The following MUCL1 variants were observed in gnomAD, a reference collection of about 807,000 sequenced individuals.
MUCL1 encodes the protein mucin-like protein 1.
A neutral mutation model predicts 9.2 loss-of-function variants in MUCL1; 11 were observed. The ratio of observed to expected loss-of-function variants is 1.19; its 90% CI spans 0.75 to 1.97. The LOEUF (loss-of-function observed/expected upper bound fraction) is 1.97. Among genes scored for constraint, MUCL1 ranks in the 30% most tolerant of loss-of-function variants. The pLI, the probability that MUCL1 is intolerant of heterozygous loss-of-function variation, is 0.00. For synonymous variants in MUCL1, 48 were observed against 40.5 expected, an observed-to-expected ratio of 1.19 and a Z score of -0.71; for missense variants, 144 against 110.9, an observed-to-expected ratio of 1.30 and a Z score of -1.34.
chr12:54,846,856 C>T (rs867100319), intron 1 of MUCL1, among the ~76,000 whole-genome samples: 4 of 147,866 alleles, frequency 2.7e-5, no homozygotes, highest in Admixed American at 6.9e-5. Context: ...TAGGTGTATG[C>T]TGTTTTTCCT....
intron 1 of MUCL1, 44 bp downstream of exon 1, chr12:54,854,684 A>G (rs1476830905): frequency 1.3e-6 from 2 of 1,533,324 alleles, no homozygotes; most frequent in East Asian, 4.5e-5. Flanking sequence ...GTGGGAATAT[A>G]CATAAAATAT....
At chr12:54,852,797 G>A (rs368094251), upstream of MUCL1, among the ~76,000 whole-genome samples, 11 of 152,180 alleles carry the variant, frequency 7.2e-5, no homozygotes, top group South Asian at 4.2e-4. Flanking sequence ...TATTCCCTAC[G>A]GGGTATAATC....
At chr12:54,854,731 G>A (rs1342970270) in intron 1 of MUCL1, 91 bp downstream of exon 1, 1 of 1,229,388 alleles carries the variant, frequency 8.1e-7, no homozygotes, top group Non-Finnish European at 1.2e-6. Context: ...TGCTTAGAAT[G>A]TGCTTTTTTA....
chr12:54,839,910 C>T (rs930795366), intron 1 of MUCL1, among the ~76,000 whole-genome samples: 1 of 152,186 alleles, frequency 6.6e-6, no homozygotes, highest in Non-Finnish European at 1.5e-5. Flanking sequence ...CTGTGCTAAG[C>T]CCTGCACTGC....
In MUCL1 at chr12:54,855,122, C is replaced by T. The variant is rs201140321; in HGVS notation, c.65C>T (p.Pro22Leu). The change falls in exon 2 of 4, where the codon CCG (proline) becomes CTG (leucine). Residue 22 changes from proline to leucine, a missense_variant. Physicochemically the swap from Pro to Leu is moderately conservative, Grantham distance 98. Coordinates refer to ENST00000308796, the MANE Select transcript of MUCL1 (RefSeq NM_058173.3). ...TTTCCTTCTTCTCTTTCAGAGAATC[C>T]GACAACAGCTGCTCCAGCTGACACG... ...VSIFLVSAQN[P>L]TTAAPADTYP... 1.0e-4 allele frequency: 167 copies of T among 1,613,134 alleles called. No homozygotes were observed. The Admixed American group carries it at 1.2e-3, about 12-fold the overall frequency.
chr12:54,850,769 C>A (rs1048026345), upstream of MUCL1, among the ~76,000 whole-genome samples: 4 of 152,182 alleles, frequency 2.6e-5, no homozygotes, highest in African/African-American at 9.7e-5. Context: ...AGTTTACAGT[C>A]CCAACAACAG....
intron 1 of MUCL1, 128 bp downstream of exon 1, chr12:54,854,768 T>C: frequency 1.3e-6 from 1 of 764,638 alleles, no homozygotes; most frequent in Non-Finnish European, 2.1e-6. Flanking sequence ...CTATCACCAT[T>C]TTGACTGACC....
chr12:54,830,935 C>T (rs1959184530), intron 1 of MUCL1: 1 of 152,224 alleles, frequency 6.6e-6, no homozygotes, highest in Non-Finnish European at 1.5e-5. Flanking sequence ...TAGCCCACAA[C>T]TTCCCTAAGA....
chr12:54,856,401 T>G (rs1945094960), intron 2 of MUCL1, among the ~76,000 whole-genome samples: 1 of 152,230 alleles, frequency 6.6e-6, no homozygotes, highest in Admixed American at 6.5e-5. Context: ...TAGGTTATTC[T>G]GTGGGACGGC....
intron 1 of MUCL1, among the ~76,000 whole-genome samples, chr12:54,833,887 G>C (rs2121478148): frequency 6.6e-6 from 1 of 151,854 alleles, no homozygotes; most frequent in East Asian, 1.9e-4. Context: ...TGAGTTAATG[G>C]GTGCAGCACA....
upstream of MUCL1, among the ~76,000 whole-genome samples, chr12:54,850,383 G>A (rs933839340): frequency 1.4e-5 from 2 of 142,578 alleles, no homozygotes; most frequent in Admixed American, 7.4e-5. Flanking sequence ...TTGTTCAGTT[G>A]CCACCTATGA....
upstream of MUCL1, among the ~76,000 whole-genome samples, chr12:54,836,477 C>T (rs1370160284): frequency 2.6e-5 from 4 of 152,082 alleles, no homozygotes; most frequent in African/African-American, 9.7e-5. Context: ...AATCTTCTCT[C>T]TTTTCTTGGT....
At chr12:54,836,475 C>G (rs1959193200), upstream of MUCL1, among the ~76,000 whole-genome samples, 1 of 152,078 alleles carries the variant, frequency 6.6e-6, no homozygotes, top group Non-Finnish European at 1.5e-5. Flanking sequence ...TGAATCTTCT[C>G]TCTTTTCTTG....
chr12:54,842,555 T>C (rs1959217551), intron 1 of MUCL1, among the ~76,000 whole-genome samples: 1 of 152,178 alleles, frequency 6.6e-6, no homozygotes, highest in Non-Finnish European at 1.5e-5. Flanking sequence ...GGTTCATCCA[T>C]GTTGCCATAA....
chr12:54,856,681 G>A (rs1270003073), intron 2 of MUCL1, 89 bp from the exon 3 acceptor site: 1 of 1,503,844 alleles, frequency 6.6e-7, no homozygotes, highest in Admixed American at 2.0e-5. Flanking sequence ...GATGAATTCA[G>A]GATGAGGAAT....
At chr12:54,842,784 C>CT (rs1959218977) in intron 1 of MUCL1, among the ~76,000 whole-genome samples, 1 of 152,030 alleles carries the variant, frequency 6.6e-6, no homozygotes, top group South Asian at 2.1e-4. Flanking sequence ...TTCATCTTTT[C>CT]TTTTTTTCTA....
At chr12:54,834,058 T>G (rs970535874) in intron 1 of MUCL1, among the ~76,000 whole-genome samples, 3 of 152,172 alleles carry the variant, frequency 2.0e-5, no homozygotes, top group Non-Finnish European at 4.4e-5. Context: ...GTGATTTGGA[T>G]GTAAGAGCTT....
At chr12:54,843,640 C>T (rs892078147) in intron 1 of MUCL1, among the ~76,000 whole-genome samples, 1 of 152,128 alleles carries the variant, frequency 6.6e-6, no homozygotes. Flanking sequence ...GGGTCAGTGT[C>T]ATACAGAATG....
upstream of MUCL1, among the ~76,000 whole-genome samples, chr12:54,838,398 T>A (rs890669126): frequency 6.6e-6 from 1 of 152,204 alleles, no homozygotes; most frequent in Non-Finnish European, 1.5e-5. Flanking sequence ...GCCTGATGAC[T>A]ATATGTCTTG....
Sources: gnomAD v4.1 joint callset for allele counts (sites outside exome capture counted in the v4.1 genomes callset) on GRCh38, gnomAD v4.1.1 for gene constraint, MANE v1.5 for transcripts, NCBI Gene and HGNC (gene_info 2026-07-23, HGNC 2026-07-21) for gene names.